Variants in ELOVL2 observed in about 807,000 individuals in gnomAD.
ELOVL2 encodes very long chain fatty acid elongase 2.
ELOVL2 carries 38 observed loss-of-function variants against 37.7 expected under a neutral mutation model. The observed-to-expected ratio is 1.01, with a 90% CI of 0.78 to 1.32. The LOEUF (loss-of-function observed/expected upper bound fraction) is 1.32, where lower values mean the gene tolerates loss of function less well. Ranked by LOEUF, ELOVL2 falls within the 40% of genes most tolerant of loss-of-function variation. The pLI, the probability that ELOVL2 is intolerant of heterozygous loss-of-function variation, is 0.00. For missense variants in ELOVL2, 352 were observed against 363.6 expected (o/e 0.97, Z 0.26); for synonymous variants, 115 against 122.3 (o/e 0.94, Z 0.40).
chr6:11,002,666 AGAC>A (rs1268931863), intron 3 of ELOVL2, among the ~76,000 whole-genome samples: 2 of 152,248 alleles, frequency 1.3e-5, no homozygotes, highest in African/African-American at 4.8e-5. Context: ...CCTAGAAAGA[AGAC>A]ATTTACCTCG....
chr6:11,029,414 G>A (rs2113555660), intron 1 of ELOVL2, among the ~76,000 whole-genome samples: 1 of 152,204 alleles, frequency 6.6e-6, no homozygotes, highest in East Asian at 1.9e-4. Flanking sequence ...TTCGCAGTGT[G>A]GTTGTGAAGA....
intron 7 of ELOVL2, among the ~76,000 whole-genome samples, chr6:10,986,092 C>T (rs1385935659): frequency 6.6e-6 from 1 of 151,772 alleles, no homozygotes; most frequent in Non-Finnish European, 1.5e-5. Flanking sequence ...TCCTAGGTAT[C>T]TTATTCTCTT....
At chr6:11,022,895 G>A (rs1018003171) in intron 1 of ELOVL2, among the ~76,000 whole-genome samples, 1 of 151,972 alleles carries the variant, frequency 6.6e-6, no homozygotes, top group Non-Finnish European at 1.5e-5. Flanking sequence ...CCAAGAGTAT[G>A]GAAATAAAAT....
chr6:11,030,602 C>G (rs1013641492), intron 1 of ELOVL2, among the ~76,000 whole-genome samples: 2 of 152,080 alleles, frequency 1.3e-5, no homozygotes, highest in African/African-American at 4.8e-5. Flanking sequence ...TGCCATTCTC[C>G]TGCCTCAGCC....
At chr6:11,026,698 C>T (rs768342330) in intron 1 of ELOVL2, among the ~76,000 whole-genome samples, 4 of 152,166 alleles carry the variant, frequency 2.6e-5, no homozygotes, top group Non-Finnish European at 5.9e-5. Flanking sequence ...ACTCTTACCT[C>T]GTACTAAAAG....
intron 1 of ELOVL2, among the ~76,000 whole-genome samples, chr6:11,040,955 TTATTAAATGGTTAG>T (rs1783090590): frequency 6.6e-6 from 1 of 152,210 alleles, no homozygotes; most frequent in South Asian, 2.1e-4. Context: ...TGCTCTCCAA[TTATTAAATGGTTAG>T]ATTTAAAATG....
intron 1 of ELOVL2, among the ~76,000 whole-genome samples, chr6:11,021,210 T>C (rs772232909): frequency 1.3e-5 from 2 of 152,246 alleles, no homozygotes; most frequent in Non-Finnish European, 2.9e-5. Context: ...ACACATCCTG[T>C]TCTCTCCGCA....
chr6:11,038,458 T>C (rs996536187), intron 1 of ELOVL2, among the ~76,000 whole-genome samples: 11 of 151,890 alleles, frequency 7.2e-5, no homozygotes, highest in African/African-American at 2.7e-4. Flanking sequence ...TCCAGCCTGG[T>C]GATGGGGCAA....
intron 1 of ELOVL2, among the ~76,000 whole-genome samples, chr6:11,022,026 T>C (rs1176527042): frequency 6.6e-6 from 1 of 152,254 alleles, no homozygotes. Context: ...GGTCTGTCGC[T>C]TGGGATTCTT....
rs3798724 is a variant in ELOVL2 at position 11,043,241 on chromosome 6, G to A, written c.3+987C>T. On this transcript the variant is annotated intron_variant, in intron 1 of 7. Coordinates refer to ENST00000354666, the MANE Select transcript of ELOVL2 (RefSeq NM_017770.4). ...GTGGAGAGAAAACCCTACGGGAAGG[G>A]GGTGAGGCAAACACTGAATATGGAC... is the stretch of plus-strand genomic sequence containing the variant. Among the ~76,000 whole-genome samples, 2,643 of 152,192 alleles carry A rather than the reference G, an allele frequency of 0.017. 137 individuals carry two copies. In the East Asian group the frequency reaches 0.19, roughly 11 times the overall value.
chr6:11,025,503 A>T (rs562740504), intron 1 of ELOVL2, among the ~76,000 whole-genome samples: 24 of 152,250 alleles, frequency 1.6e-4, no homozygotes, highest in African/African-American at 5.3e-4. Context: ...CTCATTCAAC[A>T]ATTTTTTTGT....
intron 1 of ELOVL2, among the ~76,000 whole-genome samples, chr6:11,038,398 T>C (rs976714439): frequency 6.6e-6 from 1 of 152,214 alleles, no homozygotes; most frequent in Admixed American, 6.5e-5. Flanking sequence ...GGAGAATCGC[T>C]TGAACCCTGG....
At position 11,010,728 on chromosome 6, in the gene ELOVL2, C is replaced by T; in HGVS notation, c.67+18G>A. 1 of 1,601,972 alleles carries T rather than the reference C, an allele frequency of 6.2e-7. No individual in the cohort carries two copies. The highest frequency in any genetic ancestry group is 8.5e-7 in the Non-Finnish European group (1 of 1,170,352). ...TCCTGTGTTCCTTCCACATTAAGTT[C>T]TCAAGTAATTCACTGACCTCGCGGT... On this transcript the variant is annotated intron_variant, in intron 2 of 7. Coordinates refer to ENST00000354666, the MANE Select transcript of ELOVL2 (RefSeq NM_017770.4).
intron 5 of ELOVL2, among the ~76,000 whole-genome samples, chr6:10,991,788 T>A (rs557349273): frequency 6.6e-6 from 1 of 152,326 alleles, no homozygotes; most frequent in African/African-American, 2.4e-5. Flanking sequence ...CCTACATGAC[T>A]TTTCATTTCC....
At chr6:11,006,862 C>T (rs1273236305) in intron 2 of ELOVL2, among the ~76,000 whole-genome samples, 1 of 152,218 alleles carries the variant, frequency 6.6e-6, no homozygotes, top group Non-Finnish European at 1.5e-5. Flanking sequence ...GAACCCTACT[C>T]ATCTTTTAAT....
At position 11,036,594 on chromosome 6, in the gene ELOVL2, C is replaced by G. The variant is rs528753803; in HGVS notation, c.3+7634G>C. On this transcript the variant is annotated intron_variant, in intron 1 of 7. Transcript: ENST00000354666. ...TATTTTTCTGACATCCCAAAGCACGCTCTTCAGCATAAATTCACCACTGAC... is the reference window on the plus strand; with the variant it reads ...TATTTTTCTGACATCCCAAAGCACGGTCTTCAGCATAAATTCACCACTGAC... Among the ~76,000 whole-genome samples the G allele has an allele frequency of 3.3e-5, 5 of 152,320 alleles. No homozygotes were observed. The South Asian group carries it at 1.0e-3, about 32-fold the overall frequency.
chr6:11,005,579 G>A lies in ELOVL2; in HGVS notation c.68-20C>T. On this transcript the variant is annotated intron_variant, in intron 2 of 7. Coordinates refer to ENST00000354666, the MANE Select transcript of ELOVL2 (RefSeq NM_017770.4). Reference sequence around the variant, plus strand: ...GAGAATCTGAAAAGAAACACATACAGTGAGGATCCTGAGGAATGATGCTCC... The same window carrying A: ...GAGAATCTGAAAAGAAACACATACAATGAGGATCCTGAGGAATGATGCTCC... 6.2e-7 allele frequency: 1 copy of A among 1,601,828 alleles called. No homozygotes were observed. Among genetic ancestry groups the A allele is most frequent in the South Asian group, 1.1e-5 (1 of 89,440 alleles).
intron 3 of ELOVL2, among the ~76,000 whole-genome samples, chr6:11,002,824 C>CT (rs1055429947): frequency 6.6e-6 from 1 of 152,212 alleles, no homozygotes; most frequent in Non-Finnish European, 1.5e-5. Context: ...GAAGCTGTGT[C>CT]TTATCCATCT....
At chr6:11,005,672 T>A in intron 2 of ELOVL2, 113 bp from the exon 3 acceptor site, 1 of 863,240 alleles carries the variant, frequency 1.2e-6, no homozygotes, top group Non-Finnish European at 1.8e-6. Context: ...AACAACTCCA[T>A]ACAACATTAG....
Sources: gnomAD v4.1 joint callset for allele counts (sites outside exome capture counted in the v4.1 genomes callset) on GRCh38, gnomAD v4.1.1 for gene constraint, MANE v1.5 for transcripts, NCBI Gene and HGNC (gene_info 2026-07-23, HGNC 2026-07-21) for gene names.